The following SPATA17 variants were observed in gnomAD, a reference collection of about 807,000 sequenced individuals.
SPATA17 encodes spermatogenesis associated 17.
A neutral mutation model predicts 62.2 loss-of-function variants in SPATA17; 53 were observed. That is an observed-to-expected ratio of 0.85 (90% CI 0.68 to 1.07). The LOEUF is 1.07. SPATA17 is among the 50% of genes least tolerant of loss of function. The pLI is 0.00. For synonymous variants in SPATA17, 146 were observed against 146.8 expected, an observed-to-expected ratio of 0.99 and a Z score of 0.04; for missense variants, 466 against 425.5, an observed-to-expected ratio of 1.10 and a Z score of -0.84.
chr1:217,760,162 A>G (rs1285872470), intron 6 of SPATA17, among the ~76,000 whole-genome samples: 2 of 152,202 alleles, frequency 1.3e-5, no homozygotes, highest in Non-Finnish European at 2.9e-5. Context: ...TGACCAAATT[A>G]TGTTACCACC....
At position 217,801,755 on chromosome 1, in the gene SPATA17, T is replaced by C; in HGVS notation, c.910T>C (p.Tyr304His). Reference protein sequence around the residue: ...PFSSYHKNEKYIPSMHLSSKY... With the variant: ...PFSSYHKNEKHIPSMHLSSKY... Reference sequence around the variant, plus strand: ...TTCTTCATACCATAAAAATGAAAAGTACATCCCATCAATGCATTTATCAAG... The same window carrying C: ...TTCTTCATACCATAAAAATGAAAAGCACATCCCATCAATGCATTTATCAAG... Residue 304 changes from tyrosine to histidine, a missense_variant, in exon 9 of 11, where the codon TAC becomes CAC. Transcript: ENST00000366933. 1 of 1,609,392 alleles carries C rather than the reference T, an allele frequency of 6.2e-7. No individual in the cohort carries two copies. Among genetic ancestry groups the C allele is most frequent in the Non-Finnish European group, 8.5e-7 (1 of 1,178,378 alleles).
intron 6 of SPATA17, among the ~76,000 whole-genome samples, chr1:217,765,085 C>T (rs1673262901): frequency 6.6e-6 from 1 of 151,736 alleles, no homozygotes; most frequent in Admixed American, 6.6e-5. Context: ...TTTTTATTAC[C>T]CTTTTAATAT....
chr1:217,754,745 A>C lies in SPATA17; in HGVS notation c.519+12647A>C, dbSNP rs78463615. Reference sequence around the variant, plus strand: ...TTGAGTATCTGGCAGCCAGATTTTAAAATTTCAGGCTCTAGTCTAATCCAT... The same window carrying C: ...TTGAGTATCTGGCAGCCAGATTTTACAATTTCAGGCTCTAGTCTAATCCAT... On this transcript the variant is annotated intron_variant, in intron 6 of 10. Coordinates refer to ENST00000366933, the MANE Select transcript of SPATA17 (RefSeq NM_138796.4). 7.9e-3 allele frequency among the ~76,000 whole-genome samples: 1,200 copies of C among 152,230 alleles called. 9 individuals carry two copies. Among genetic ancestry groups the C allele is most frequent in the African/African-American group, 0.026 (1,082 of 41,562 alleles).
At chr1:217,853,329 G>A (rs995437952) in intron 9 of SPATA17, among the ~76,000 whole-genome samples, 2 of 152,006 alleles carry the variant, frequency 1.3e-5, no homozygotes, top group Admixed American at 6.6e-5. Flanking sequence ...TAAACATCAG[G>A]TTATAATCTA....
intron 7 of SPATA17, among the ~76,000 whole-genome samples, chr1:217,781,911 A>G (rs1673736112): frequency 6.6e-6 from 1 of 152,170 alleles, no homozygotes; most frequent in South Asian, 2.1e-4. Context: ...TATCAGTTAT[A>G]ACATGAAGAT....
At chr1:217,860,096 T>C (rs890722211) in intron 9 of SPATA17, among the ~76,000 whole-genome samples, 4 of 152,196 alleles carry the variant, frequency 2.6e-5, no homozygotes, top group African/African-American at 9.6e-5. Flanking sequence ...TGATGGGTTG[T>C]ATTTTCATTT....
intron 6 of SPATA17, among the ~76,000 whole-genome samples, chr1:217,745,378 C>T (rs1024001392): frequency 2.6e-5 from 4 of 152,140 alleles, no homozygotes; most frequent in African/African-American, 7.2e-5. Context: ...GCAGTGTCAT[C>T]TTAGACTCAT....
rs528847296 is a variant in SPATA17 at position 217,836,620 on chromosome 1, T to C, written c.1006-26154T>C. Among the ~76,000 whole-genome samples the C allele has an allele frequency of 5.9e-5, 9 of 152,272 alleles. No individual in the cohort carries two copies. The East Asian group carries it at 1.5e-3, about 26-fold the overall frequency. Reference sequence around the variant, plus strand: ...AGCATTTATTTTCATGCCACATGATTTCTCCCTAGTGGCCTATGGCTTCTC... The same window carrying C: ...AGCATTTATTTTCATGCCACATGATCTCTCCCTAGTGGCCTATGGCTTCTC... On this transcript the variant is annotated intron_variant, in intron 9 of 10. Coordinates refer to ENST00000366933, the MANE Select transcript of SPATA17 (RefSeq NM_138796.4).
chr1:217,734,280 G>T (rs2102943203), intron 5 of SPATA17, among the ~76,000 whole-genome samples: 1 of 152,310 alleles, frequency 6.6e-6, no homozygotes, highest in Non-Finnish European at 1.5e-5. Flanking sequence ...AATTGTTAGA[G>T]ATGAAATGTA....
chr1:217,782,136 C>G (rs765626444), intron 7 of SPATA17, 38 bp from the exon 8 acceptor site: 1 of 1,523,922 alleles, frequency 6.6e-7, no homozygotes, highest in Non-Finnish European at 8.8e-7. Flanking sequence ...TCAAAAAAAT[C>G]TTCCATATAA....
At chr1:217,720,789 G>A (rs1672109130) in intron 5 of SPATA17, among the ~76,000 whole-genome samples, 1 of 152,118 alleles carries the variant, frequency 6.6e-6, no homozygotes. Flanking sequence ...CTAGGCCTAA[G>A]GAAGAGAACC....
intron 8 of SPATA17, among the ~76,000 whole-genome samples, chr1:217,793,387 A>AT (rs1430498603): frequency 1.3e-5 from 2 of 151,748 alleles, no homozygotes; most frequent in South Asian, 2.1e-4. Context: ...CACCCGGCTA[A>AT]TTTTTTGTAC....
intron 8 of SPATA17, among the ~76,000 whole-genome samples, chr1:217,791,852 G>A (rs1446843345): frequency 6.6e-6 from 1 of 152,106 alleles, no homozygotes; most frequent in African/African-American, 2.4e-5. Context: ...AGAGGCCAGA[G>A]TCACTGGGGC....
chr1:217,729,945 G>C lies in SPATA17; in HGVS notation c.396-12030G>C, dbSNP rs577774202. ...ACAAAAGGAAAAAGCTCATTATGTG[G>C]GTATTTCAATTTAACTCTTTCCACA... On this transcript the variant is annotated intron_variant, in intron 5 of 10. Transcript: ENST00000366933. 2.0e-5 allele frequency among the ~76,000 whole-genome samples: 3 copies of C among 152,158 alleles called. No homozygotes were observed. The Middle Eastern group carries it at 0.01, about 518-fold the overall frequency.
chr1:217,754,111 A>T (rs1224035728), intron 6 of SPATA17, among the ~76,000 whole-genome samples: 1 of 152,078 alleles, frequency 6.6e-6, no homozygotes, highest in African/African-American at 2.4e-5. Context: ...GCATGCCTGT[A>T]GTCCCAGCTA....
chr1:217,801,723 T>G lies in SPATA17; in HGVS notation c.878T>G (p.Leu293Trp), dbSNP rs1288708149. The G allele has an allele frequency of 6.3e-7, 1 of 1,595,044 alleles. No homozygotes were observed. The highest frequency in any genetic ancestry group is 1.8e-5 in the Admixed American group (1 of 54,200). ...CTCTTAAATATTTCTTTCAGGTTTT[T>G]GCCATTTTCTTCATACCATAAAAAT... is the stretch of plus-strand genomic sequence containing the variant. ...WLQNVNDNMF[L>W]PFSSYHKNEK... The change falls in exon 9 of 11, where the codon TTG becomes TGG. Residue 293 changes from leucine (L) to tryptophan (W), a missense_variant. Leu to Trp is a moderately conservative substitution (Grantham distance 61). Transcript: ENST00000366933.
At chr1:217,687,582 A>G (rs1395953106) in intron 5 of SPATA17, among the ~76,000 whole-genome samples, 1 of 152,198 alleles carries the variant, frequency 6.6e-6, no homozygotes, top group Non-Finnish European at 1.5e-5. Flanking sequence ...TATTACAATT[A>G]CATATAGTAT....
chr1:217,655,000 GCA>G (rs1670409422), intron 3 of SPATA17, among the ~76,000 whole-genome samples: 1 of 152,094 alleles, frequency 6.6e-6, no homozygotes, highest in Non-Finnish European at 1.5e-5. Flanking sequence ...GTGAGCCACC[GCA>G]CCCAGCCCTA....
Position 217,732,429 on chromosome 1 carries a change from A to G in SPATA17, c.396-9546A>G, listed in dbSNP as rs143598570. Among the ~76,000 whole-genome samples the G allele has an allele frequency of 1.3e-3, 200 of 152,334 alleles. 2 individuals are homozygous for G. The Middle Eastern group carries it at 0.014, about 10-fold the overall frequency. On this transcript the variant is annotated intron_variant, in intron 5 of 10. Transcript: ENST00000366933. ...TTAAAGTGAGGTTAACACATTTTAA[A>G]TGAGAGACAATGTGTGATGTTTGAG...
Sources: allele counts gnomAD v4.1 joint callset (sites outside exome capture counted in the v4.1 genomes callset), GRCh38; gene constraint gnomAD v4.1.1; transcripts MANE v1.5; gene names NCBI Gene and HGNC (gene_info 2026-07-23, HGNC 2026-07-21).